Variants in RBFOX1 observed in about 807,000 individuals in gnomAD.
RBFOX1 encodes RNA binding fox-1 homolog 1.
A neutral mutation model predicts 57.7 loss-of-function variants in RBFOX1; 8 were observed. The observed-to-expected ratio is 0.14, with a 90% CI of 0.08 to 0.25. RBFOX1 has a LOEUF of 0.25. Among genes scored for constraint, RBFOX1 ranks in the 10% least tolerant of loss-of-function variants. The pLI, the probability that RBFOX1 is intolerant of heterozygous loss-of-function variation, is 1.00. For synonymous variants in RBFOX1, 326 were observed against 222.4 expected (o/e 1.47, Z -4.15); for missense variants, 611 against 548.5 (o/e 1.11, Z -1.14).
chr16:6,681,775 G>T (rs1043667801), intron 3 of RBFOX1, among the ~76,000 whole-genome samples: 7 of 151,814 alleles, frequency 4.6e-5, no homozygotes, highest in East Asian at 1.9e-4. Flanking sequence ...CTGTAATTCA[G>T]TTCTCACGTC....
intron 1 of RBFOX1, among the ~76,000 whole-genome samples, chr16:6,284,588 A>T (rs902148368): frequency 6.6e-6 from 1 of 152,158 alleles, no homozygotes; most frequent in African/African-American, 2.4e-5. Context: ...TTATAGCTTT[A>T]AATACGGTGT....
intron 2 of RBFOX1, among the ~76,000 whole-genome samples, chr16:6,603,053 C>G (rs2097874858): frequency 1.3e-5 from 2 of 152,156 alleles, no homozygotes; most frequent in Non-Finnish European, 2.9e-5. Context: ...CTGTCATTGT[C>G]TACTCTTCAT....
intron 4 of RBFOX1, among the ~76,000 whole-genome samples, chr16:5,869,095 C>A (rs553891816): frequency 6.6e-6 from 1 of 152,280 alleles, no homozygotes; most frequent in Non-Finnish European, 1.5e-5. Context: ...AGTTGGAATT[C>A]ATAACCATGT....
At chr16:6,058,661 TCCATCCAC>T (rs2095645013) in intron 1 of RBFOX1, among the ~76,000 whole-genome samples, 1 of 139,060 alleles carries the variant, frequency 7.2e-6, no homozygotes, top group African/African-American at 2.6e-5. Flanking sequence ...CACCCATCCA[TCCATCCAC>T]CCACCATCCA....
intron 3 of RBFOX1, among the ~76,000 whole-genome samples, chr16:6,831,236 T>C (rs2141046379): frequency 6.6e-6 from 1 of 152,328 alleles, no homozygotes. Context: ...TTGGCTTGAC[T>C]TGGTCGAATT....
intron 4 of RBFOX1, among the ~76,000 whole-genome samples, chr16:7,056,236 G>A (rs571876646): frequency 1.3e-5 from 2 of 152,276 alleles, no homozygotes; most frequent in South Asian, 4.1e-4. Flanking sequence ...ACTCTTCTCA[G>A]AGAACTATTG....
intron 12 of RBFOX1, among the ~76,000 whole-genome samples, chr16:7,661,916 C>G (rs1365826683): frequency 6.6e-6 from 1 of 152,152 alleles, no homozygotes; most frequent in African/African-American, 2.4e-5. Flanking sequence ...AGCAGAGACT[C>G]CTAAGAGCAA....
At chr16:6,675,764 A>T (rs559823529) in intron 3 of RBFOX1, among the ~76,000 whole-genome samples, 87 of 152,254 alleles carry the variant, frequency 5.7e-4, no homozygotes, top group Admixed American at 8.5e-4. Flanking sequence ...TGTGAGATTT[A>T]CTCACTACCA....
Position 5,946,035 on chromosome 16 carries a change from C to G in RBFOX1, c.351+78700C>G, listed in dbSNP as rs1325326212. On this transcript the variant is annotated intron_variant, in intron 4 of 19. Coordinates refer to the RBFOX1 transcript ENST00000641259. This position sits in a 1 kb window ranked among gnomAD's most constrained non-coding sequence, Gnocchi z 4.6. ...TTGGGTTTAAAAAGAGAAAAGAAGT[C>G]TGCTTTGTTTGCTAGTAAAGTGAGG... Among the ~76,000 whole-genome samples, 1 of 152,212 alleles carries G rather than the reference C, an allele frequency of 6.6e-6. No individual in the cohort carries two copies. The highest frequency in any genetic ancestry group is 1.5e-5 in the Non-Finnish European group (1 of 68,042).
At chr16:6,410,397 C>G (rs904007765) in intron 2 of RBFOX1, among the ~76,000 whole-genome samples, 29 of 150,328 alleles carry the variant, frequency 1.9e-4, no homozygotes, top group African/African-American at 6.9e-4. Context: ...CTGCAAGCTC[C>G]ACCTTCTGGG....
At chr16:5,505,256 C>T (rs34825406) in intron 2 of RBFOX1, among the ~76,000 whole-genome samples, 42,288 of 152,108 alleles carry the variant, frequency 0.28, 6,438 homozygotes, top group African/African-American at 0.35. Flanking sequence ...CTGTGCTTAA[C>T]GCAGGGGGCG....
intron 3 of RBFOX1, among the ~76,000 whole-genome samples, chr16:6,656,358 G>A (rs1160364744): frequency 1.3e-5 from 2 of 152,100 alleles, no homozygotes; most frequent in African/African-American, 4.8e-5. Context: ...AGGAACTGAT[G>A]CTGTTAGAAC....
intron 14 of RBFOX1, among the ~76,000 whole-genome samples, chr16:7,699,734 CT>C (rs143846992): frequency 2.7e-4 from 40 of 148,536 alleles, no homozygotes; most frequent in South Asian, 8.5e-4. Flanking sequence ...ATGAGTTCAC[CT>C]TTTTTTTTTA....
chr16:6,779,372 A>T (rs2079947392), intron 3 of RBFOX1, among the ~76,000 whole-genome samples: 2 of 152,016 alleles, frequency 1.3e-5, no homozygotes, highest in Admixed American at 1.3e-4. Flanking sequence ...GTTGAATAAT[A>T]TTCCATTGTA....
chr16:7,046,465 A>G (rs974144849), intron 3 of RBFOX1, among the ~76,000 whole-genome samples: 1 of 152,144 alleles, frequency 6.6e-6, no homozygotes, highest in Non-Finnish European at 1.5e-5. Context: ...TTTACAATTT[A>G]TACATACATT....
chr16:6,163,881 G>C (rs1226599637), intron 1 of RBFOX1, among the ~76,000 whole-genome samples: 1 of 152,094 alleles, frequency 6.6e-6, no homozygotes, highest in East Asian at 1.9e-4. Flanking sequence ...TCCAATTCTT[G>C]GTTGTCAGAC....
intron 4 of RBFOX1, among the ~76,000 whole-genome samples, chr16:5,978,208 G>A (rs2060105731): frequency 6.9e-6 from 1 of 145,416 alleles, no homozygotes; most frequent in Non-Finnish European, 1.5e-5. Context: ...CAAATACTCA[G>A]GAGGCTGAGG....
At chr16:5,724,711 T>C (rs569863235) in intron 3 of RBFOX1, among the ~76,000 whole-genome samples, 5 of 152,146 alleles carry the variant, frequency 3.3e-5, no homozygotes, top group Non-Finnish European at 7.3e-5. Flanking sequence ...AGATGGGAAG[T>C]AAGGTAACAG....
At position 6,317,053 on chromosome 16, in the gene RBFOX1, A is replaced by C; in HGVS notation, c.-68A>C. 6.5e-7 allele frequency: 1 copy of C among 1,534,990 alleles called. No homozygotes were observed. The highest frequency in any genetic ancestry group is 8.7e-7 in the Non-Finnish European group (1 of 1,146,000). ...TACAGCTTCCTTGATCGGACTCAGCATTCAGTAAGTGCAACCCATTTTGAA... is the reference window on the plus strand; with the variant it reads ...TACAGCTTCCTTGATCGGACTCAGCCTTCAGTAAGTGCAACCCATTTTGAA... On this transcript the variant is annotated 5_prime_UTR_variant, in exon 2 of 16. Coordinates refer to ENST00000550418, the MANE Select transcript of RBFOX1 (RefSeq NM_018723.4).
Sources: allele counts gnomAD v4.1 joint callset (sites outside exome capture counted in the v4.1 genomes callset), GRCh38; gene constraint gnomAD v4.1.1; non-coding constraint Gnocchi (gnomAD v3.1); transcripts MANE v1.5; gene names NCBI Gene and HGNC (gene_info 2026-07-23, HGNC 2026-07-21).